Variants in ZNF547 observed in about 807,000 individuals in gnomAD.
ZNF547 encodes the protein zinc finger protein 547.
Under a neutral mutation model 7.7 loss-of-function variants are expected in ZNF547, and 4 were observed. That is an observed-to-expected ratio of 0.52 (90% CI 0.26 to 1.20). The LOEUF (loss-of-function observed/expected upper bound fraction) is 1.20. Ranked by LOEUF, ZNF547 falls within the 50% of genes most tolerant of loss-of-function variation. The pLI is 0.14. For synonymous variants in ZNF547, 166 were observed against 166.2 expected, an observed-to-expected ratio of 1.00 and a Z score of 0.01; for missense variants, 449 against 485.8, an observed-to-expected ratio of 0.92 and a Z score of 0.71.
chr19:57,363,731 C>CG (rs374592293), intron 1 of ZNF547, 28 bp downstream of exon 1: 3 of 151,240 alleles, frequency 2.0e-5, no homozygotes, highest in Admixed American at 6.6e-5. Flanking sequence ...GGCCCCCCCC[C>CG]ACCTCCGCCC....
rs544536008 is a variant in ZNF547 at position 57,368,155 on chromosome 19, A to C, written c.-12-389A>C. On this transcript the variant is annotated intron_variant, in intron 1 of 3. Coordinates refer to ENST00000282282, the MANE Select transcript of ZNF547 (RefSeq NM_173631.4). ...CATGGAAAATTTTAGTATCCTCTAA[A>C]ATTTTAAAAGCTAAAAATATACACC... 23 of 164,538 alleles carry C rather than the reference A, an allele frequency of 1.4e-4. No homozygotes were observed. The South Asian group carries it at 4.5e-3, about 32-fold the overall frequency. The allele number at this position is 164,538 out of a possible 1,614,324, so 10.2% of individuals were successfully genotyped here. A position where few individuals can be genotyped will look rare whatever the true frequency, so the allele number is the denominator to read the frequency against.
Position 57,377,504 on chromosome 19 carries a change from A to G in ZNF547, c.528A>G (p.Lys176=), listed in dbSNP as rs150397433. 88 of 1,614,074 alleles carry G rather than the reference A, an allele frequency of 5.5e-5. No individual in the cohort carries two copies. The African/African-American group carries it at 1.0e-3, about 19-fold the overall frequency. ...SHKHKLSDHQ[K]IHTGERTYKC... The stretch of plus-strand genomic sequence containing the variant: ...AACATAAACTTTCTGACCATCAGAA[A>G]ATCCACACTGGAGAAAGAACTTATA... The change falls in exon 4 of 4, where the codon AAA becomes AAG. Residue 176 remains lysine (K), a synonymous_variant. Coordinates refer to ENST00000282282, the MANE Select transcript of ZNF547 (RefSeq NM_173631.4).
At chr19:57,375,093 G>A (rs1296958845) in intron 3 of ZNF547, among the ~76,000 whole-genome samples, 1 of 152,166 alleles carries the variant, frequency 6.6e-6, no homozygotes, top group African/African-American at 2.4e-5. Flanking sequence ...GCTCACTCCT[G>A]TAATCCCAGC....
intron 2 of ZNF547, among the ~76,000 whole-genome samples, chr19:57,368,870 A>G (rs1203023678): frequency 1.3e-5 from 2 of 152,184 alleles, no homozygotes; most frequent in Non-Finnish European, 2.9e-5. Context: ...CATGGGCACA[A>G]GATTAAGAAT....
rs114959714 is a variant in ZNF547 at position 57,377,307 on chromosome 19, G to A, written c.331G>A (p.Glu111Lys). ...RLAEHDGTHP[E>K]QGLYTCPAHL... ...GGCTGAGCATGACGGAACACACCCCGAGCAGGGACTGTACACGTGTCCAGC... is the reference window on the plus strand; with the variant it reads ...GGCTGAGCATGACGGAACACACCCCAAGCAGGGACTGTACACGTGTCCAGC... The change falls in exon 4 of 4, where the codon GAG (glutamate) becomes AAG (lysine). Residue 111 changes from glutamate to lysine, a missense_variant. Glu to Lys is a moderately conservative substitution (Grantham distance 56, BLOSUM62 1). Transcript: ENST00000282282. 5,568 of 1,614,126 alleles carry A rather than the reference G, an allele frequency of 3.4e-3. 130 individuals carry two copies. In the African/African-American group the frequency reaches 0.06, roughly 17 times the overall value.
chr19:57,377,401 C>T lies in ZNF547; in HGVS notation c.425C>T (p.Thr142Ile). 1 of 1,614,220 alleles carries T rather than the reference C, an allele frequency of 6.2e-7. No homozygotes were observed. Among genetic ancestry groups the T allele is most frequent in the Non-Finnish European group, 8.5e-7 (1 of 1,180,052 alleles). The change falls in exon 4 of 4, where the codon ACA becomes ATA. Residue 142 changes from threonine to isoleucine, a missense_variant. By Grantham distance (89) the Thr-to-Ile change is moderately conservative. Transcript: ENST00000282282. ...TCTAGAGGGGATGGAGGAAGACCGA[C>T]ATTTGTGAAGAACCACAGAGTTCAC... The part of the protein sequence containing the change: ...KLSRGDGGRP[T>I]FVKNHRVHMA...
chr19:57,377,098 T>C (rs372728345), intron 3 of ZNF547, 30 bp from the exon 4 acceptor site: 14 of 1,592,454 alleles, frequency 8.8e-6, no homozygotes, highest in Non-Finnish European at 1.2e-5. Context: ...ACAGTCAACA[T>C]GCACCTCACC....
chr19:57,367,683 A>T (rs373533760), intron 1 of ZNF547, among the ~76,000 whole-genome samples: 50 of 152,194 alleles, frequency 3.3e-4, no homozygotes, highest in Non-Finnish European at 2.9e-5. Flanking sequence ...TGGGCTTGGG[A>T]TGGAGACTAA....
At chr19:57,374,590 A>G (rs2088525247) in intron 3 of ZNF547, among the ~76,000 whole-genome samples, 1 of 152,250 alleles carries the variant, frequency 6.6e-6, no homozygotes, top group Non-Finnish European at 1.5e-5. Flanking sequence ...TTTCTATTGC[A>G]TAGCCAGGCT....
intron 2 of ZNF547, 96 bp downstream of exon 2, chr19:57,368,675 T>A (rs1442714550): frequency 1.9e-5 from 22 of 1,168,922 alleles, no homozygotes; most frequent in Non-Finnish European, 2.7e-5. Context: ...AGACTCTCTT[T>A]CTGTCTTTCT....
intron 3 of ZNF547, among the ~76,000 whole-genome samples, chr19:57,376,361 T>C (rs567174713): frequency 6.6e-6 from 1 of 152,096 alleles, no homozygotes; most frequent in Admixed American, 6.5e-5. Flanking sequence ...AAACCGAGGG[T>C]GGGGCTGCTT....
rs2088560071 is a variant in ZNF547 at position 57,379,407 on chromosome 19, A to G, written c.*1222A>G. ...GGGACTACATTTTGAGAACTGTCCT[A>G]TCCCATTTTTATAACAATGCAGAGC... On this transcript the variant is annotated 3_prime_UTR_variant, in exon 4 of 4. Transcript: ENST00000282282. The G allele has an allele frequency of 6.6e-6, 1 of 152,178 alleles. No homozygotes were observed. Among genetic ancestry groups the G allele is most frequent in the African/African-American group, 2.4e-5 (1 of 41,450 alleles). The allele number at this position is 152,178 out of a possible 1,614,324, so 9.4% of individuals were successfully genotyped here. A position where few individuals can be genotyped will look rare whatever the true frequency, so the allele number is the denominator to read the frequency against.
intron 1 of ZNF547, chr19:57,365,243 AC>A (rs2088458571): frequency 6.4e-7 from 1 of 1,566,702 alleles, no homozygotes; most frequent in East Asian, 2.4e-5. Flanking sequence ...GGGAAGAAAC[AC>A]CTTTTAAGCT....
intron 1 of ZNF547, among the ~76,000 whole-genome samples, chr19:57,367,458 G>A (rs909268562): frequency 6.6e-6 from 1 of 151,354 alleles, no homozygotes; most frequent in Non-Finnish European, 1.5e-5. Flanking sequence ...AATAGAGGGT[G>A]TAGATTGGAC....
At chr19:57,366,090 C>G (rs1367713697) in intron 1 of ZNF547, among the ~76,000 whole-genome samples, 2 of 151,878 alleles carry the variant, frequency 1.3e-5, no homozygotes, top group East Asian at 3.9e-4. Flanking sequence ...GTCTTGAACT[C>G]CTGACCTCGT....
intron 1 of ZNF547, among the ~76,000 whole-genome samples, chr19:57,366,481 A>C (rs2088470661): frequency 6.6e-6 from 1 of 150,650 alleles, no homozygotes; most frequent in South Asian, 2.1e-4. Flanking sequence ...GAGTGCTGGG[A>C]TTACAGGTGT....
At position 57,368,549 on chromosome 19, in the gene ZNF547, C is replaced by G. The variant is rs1490456776; in HGVS notation, c.-7C>G. 1 of 1,614,098 alleles carries G rather than the reference C, an allele frequency of 6.2e-7. No homozygotes were observed. Among genetic ancestry groups the G allele is most frequent in the East Asian group, 2.2e-5 (1 of 44,884 alleles). On this transcript the variant is annotated 5_prime_UTR_variant, in exon 2 of 4. Transcript: ENST00000282282. ...CGGTTTCCCTCTTCCTTCAGGGTCC[C>G]CTGGCGATGGCAGAAATGAACCCTG...
intron 1 of ZNF547, among the ~76,000 whole-genome samples, chr19:57,366,446 G>A (rs1379000534): frequency 6.6e-6 from 1 of 151,004 alleles, no homozygotes; most frequent in Non-Finnish European, 1.5e-5. Context: ...CTGACCTCAG[G>A]TTATCTGCCT....
At chr19:57,374,742 T>C (rs2088526025) in intron 3 of ZNF547, among the ~76,000 whole-genome samples, 1 of 152,214 alleles carries the variant, frequency 6.6e-6, no homozygotes, top group African/African-American at 2.4e-5. Flanking sequence ...GCTGCCATTC[T>C]CTTTGCTAAA....
Sources: gnomAD v4.1 joint callset for allele counts (sites outside exome capture counted in the v4.1 genomes callset) on GRCh38, gnomAD v4.1.1 for gene constraint, MANE v1.5 for transcripts, NCBI Gene and HGNC (gene_info 2026-07-23, HGNC 2026-07-21) for gene names.